DMD: variants seen among roughly 807,000 people sequenced by gnomAD.
The protein encoded by DMD is mutant dystrophin.
Under a neutral mutation model 330.1 loss-of-function variants are expected in DMD, and 63 were observed. The ratio of observed to expected loss-of-function variants is 0.19; its 90% confidence interval spans 0.16 to 0.24. The LOEUF (loss-of-function observed/expected upper bound fraction) is 0.24. DMD is among the 10% of genes least tolerant of loss of function. The pLI is 1.00. For synonymous variants in DMD, 1,223 were observed against 959.8 expected, an observed-to-expected ratio of 1.27 and a Z score of -5.07; for missense variants, 3,344 against 2,684.1, an observed-to-expected ratio of 1.25 and a Z score of -5.43.
chrX:32,734,026 TAAAG>T (rs1569498105), intron 7 of DMD, among the ~76,000 whole-genome samples: 2 of 104,422 alleles, frequency 1.9e-5, no homozygotes, highest in East Asian at 6.0e-4. Context: ...GCAAGACTAA[TAAAG>T]AAAAAAAGAG....
intron 44 of DMD, among the ~76,000 whole-genome samples, chrX:32,216,427 G>T (rs2097112506): frequency 9.0e-6 from 1 of 111,716 alleles, no homozygotes. Flanking sequence ...TTGGCCTCTG[G>T]ACTATTTCAG....
At chrX:33,029,166 C>A (rs773764563) in intron 1 of DMD, among the ~76,000 whole-genome samples, 26 of 111,708 alleles carry the variant, frequency 2.3e-4, no homozygotes, top group African/African-American at 7.8e-4. Context: ...TAATTATAGA[C>A]CTTCTGTCAC....
chrX:32,299,401 C>T (rs1033761492), intron 42 of DMD, among the ~76,000 whole-genome samples: 1 of 110,370 alleles, frequency 9.1e-6, no homozygotes, highest in African/African-American at 3.3e-5. Context: ...AGTTTTTATC[C>T]AACTTGATTT....
chrX:32,640,043 A>C (rs920549937), intron 11 of DMD, among the ~76,000 whole-genome samples: 1 of 109,358 alleles, frequency 9.1e-6, no homozygotes, highest in African/African-American at 3.3e-5. Context: ...TCCCTGCAAA[A>C]TTTTTTTAAA....
At chrX:33,241,805 A>T (rs1465960837) in intron 1 of DMD, among the ~76,000 whole-genome samples, 1 of 111,231 alleles carries the variant, frequency 9.0e-6, no homozygotes, top group Non-Finnish European at 1.9e-5. Flanking sequence ...TCTGTCGCCC[A>T]GTCTGGAGTG....
chrX:32,646,301 G>T (rs1279996050), intron 9 of DMD, among the ~76,000 whole-genome samples: 1 of 111,371 alleles, frequency 9.0e-6, no homozygotes, highest in African/African-American at 3.3e-5. Context: ...AGGAGGTTTT[G>T]CTTTGGGAGG....
At chrX:33,018,559 G>A (rs1367223468) in intron 2 of DMD, among the ~76,000 whole-genome samples, 6 of 111,294 alleles carry the variant, frequency 5.4e-5, no homozygotes, top group Non-Finnish European at 7.6e-5. Context: ...TTCAACTTGC[G>A]GGAATGAGGA....
At chrX:31,861,946 T>TATACACACAC (rs535459357) in intron 48 of DMD, among the ~76,000 whole-genome samples, 1 of 87,966 alleles carries the variant, frequency 1.1e-5, no homozygotes, top group African/African-American at 4.4e-5. Context: ...GAAAATAATA[T>TATACACACAC]ACACACACAC....
chrX:31,165,429 C>T (rs1183231596), intron 74 of DMD, among the ~76,000 whole-genome samples: 1 of 111,805 alleles, frequency 8.9e-6, no homozygotes, highest in African/African-American at 3.3e-5. Flanking sequence ...ATTTAGCCAC[C>T]TTGTTGACTT....
intron 1 of DMD, among the ~76,000 whole-genome samples, chrX:33,233,954 T>C (rs752046322): frequency 8.9e-6 from 1 of 112,193 alleles, no homozygotes; most frequent in African/African-American, 3.2e-5. Context: ...ATATTATTTT[T>C]TACAACTGTT....
chrX:32,834,379 G>A (rs2079423369), intron 4 of DMD, among the ~76,000 whole-genome samples: 1 of 111,478 alleles, frequency 9.0e-6, no homozygotes, highest in Non-Finnish European at 1.9e-5. Flanking sequence ...TCCAAAATAT[G>A]TATTATATGG....
At chrX:32,609,346 G>A (rs940247243) in intron 12 of DMD, among the ~76,000 whole-genome samples, 3 of 110,811 alleles carry the variant, frequency 2.7e-5, no homozygotes, top group African/African-American at 9.8e-5. Context: ...AATTTCTCAT[G>A]AATAATGGTT....
chrX:32,700,091 T>A (rs763527520), intron 7 of DMD, among the ~76,000 whole-genome samples: 1 of 111,829 alleles, frequency 8.9e-6, no homozygotes, highest in East Asian at 2.8e-4. Flanking sequence ...ATTTGCTACT[T>A]GGCATTAAAA....
At chrX:32,074,718 GA>G (rs72434864) in intron 44 of DMD, among the ~76,000 whole-genome samples, 45,326 of 108,426 alleles carry the variant, frequency 0.42, 8,224 homozygotes, top group African/African-American at 0.68. Context: ...GCCCTTCAAA[GA>G]AAAAAGGCTT....
chrX:31,391,894 CA>C (rs991816468), intron 60 of DMD, among the ~76,000 whole-genome samples: 2 of 107,011 alleles, frequency 1.9e-5, no homozygotes, highest in African/African-American at 6.8e-5. Flanking sequence ...AAAAAGCAAG[CA>C]AAAAAAACGG....
At chrX:32,966,771 A>C (rs1462347731) in intron 2 of DMD, among the ~76,000 whole-genome samples, 1 of 111,819 alleles carries the variant, frequency 8.9e-6, no homozygotes, top group Non-Finnish European at 1.9e-5. Flanking sequence ...AGAGGTGAGA[A>C]AGGTTCTGGG....
intron 7 of DMD, among the ~76,000 whole-genome samples, chrX:32,796,790 G>A (rs1372527978): frequency 9.0e-6 from 1 of 111,710 alleles, no homozygotes; most frequent in African/African-American, 3.3e-5. Flanking sequence ...ATAGCTTATT[G>A]CTTTAAAATA....
At position 32,503,641 on chromosome X, in the gene DMD, T is replaced by C. The variant is rs139576930; in HGVS notation, c.2293-1799A>G. Among the ~76,000 whole-genome samples, 690 of 111,143 alleles carry C rather than the reference T, an allele frequency of 6.2e-3. 7 individuals are homozygous for C. Among genetic ancestry groups the C allele is most frequent in the African/African-American group, 0.021 (645 of 30,572 alleles). ...CATGATCTCAGCTCACTGCAACCTC[T>C]GCCTCCCGGGTTCAAGCAACTCTCC... On this transcript the variant is annotated intron_variant, in intron 18 of 78. Coordinates refer to ENST00000357033, the MANE Select transcript of DMD (RefSeq NM_004006.3).
intron 43 of DMD, among the ~76,000 whole-genome samples, chrX:32,285,928 G>C (rs921590700): frequency 1.6e-4 from 18 of 110,971 alleles, no homozygotes; most frequent in Admixed American, 2.9e-4. Flanking sequence ...TCGGACTCCT[G>C]ACCTCAAATG....
Sources: allele counts gnomAD v4.1 joint callset (sites outside exome capture counted in the v4.1 genomes callset), GRCh38; gene constraint gnomAD v4.1.1; transcripts MANE v1.5; gene names NCBI Gene and HGNC (gene_info 2026-07-23, HGNC 2026-07-21).